RHOA: variants seen among roughly 807,000 people sequenced by gnomAD.
RHOA encodes ras homolog family member A.
In RHOA, 3 loss-of-function variants were observed where a neutral mutation model predicts 17.5. The ratio of observed to expected loss-of-function variants is 0.17; its 90% CI spans 0.08 to 0.44. The LOEUF is 0.44. Ranked by LOEUF, RHOA falls within the 20% of genes least tolerant of loss-of-function variation. RHOA has a pLI of 0.99. For missense variants in RHOA, 56 were observed against 242.3 expected (o/e 0.23, Z 5.10); for synonymous variants, 98 against 88.4 (o/e 1.11, Z -0.61).
intron 1 of RHOA, among the ~76,000 whole-genome samples, chr3:49,376,949 AG>A (rs2048237776): frequency 2.6e-5 from 4 of 151,826 alleles, no homozygotes; most frequent in African/African-American, 7.3e-5. Flanking sequence ...GCCAACATGG[AG>A]AAACCCCATC....
At chr3:49,409,900 T>C (rs2048903977) in intron 1 of RHOA, among the ~76,000 whole-genome samples, 1 of 152,074 alleles carries the variant, frequency 6.6e-6, no homozygotes, top group Non-Finnish European at 1.5e-5. Context: ...CTGACCTAAA[T>C]ATCTTGGTTT....
At chr3:49,360,596 T>A (rs1424842946) in intron 4 of RHOA, among the ~76,000 whole-genome samples, 1 of 151,796 alleles carries the variant, frequency 6.6e-6, no homozygotes, top group Non-Finnish European at 1.5e-5. Context: ...GCCTCCCGAG[T>A]AGCTGGGACT....
intron 1 of RHOA, among the ~76,000 whole-genome samples, chr3:49,408,390 G>A (rs929109342): frequency 2.0e-5 from 3 of 152,058 alleles, no homozygotes; most frequent in Non-Finnish European, 4.4e-5. Context: ...CATACTGATT[G>A]CAATTTAGCA....
intron 1 of RHOA, among the ~76,000 whole-genome samples, chr3:49,385,686 A>AT (rs1233068862): frequency 2.7e-5 from 4 of 150,896 alleles, no homozygotes; most frequent in African/African-American, 4.9e-5. Flanking sequence ...TCGTAAAAAA[A>AT]ATATATATGC....
chr3:49,399,313 T>C (rs1459962220), intron 1 of RHOA, among the ~76,000 whole-genome samples: 4 of 149,890 alleles, frequency 2.7e-5, no homozygotes, highest in Non-Finnish European at 5.9e-5. Context: ...GAGCTTGCAG[T>C]GAGCCGAGAT....
intron 3 of RHOA, among the ~76,000 whole-genome samples, chr3:49,364,544 C>T (rs967854558): frequency 6.6e-6 from 1 of 151,938 alleles, no homozygotes; most frequent in African/African-American, 2.4e-5. Flanking sequence ...ACCTGTAATC[C>T]CAGCTACTAG....
chr3:49,392,389 C>T (rs2048526292), intron 1 of RHOA, among the ~76,000 whole-genome samples: 1 of 152,086 alleles, frequency 6.6e-6, no homozygotes, highest in South Asian at 2.1e-4. Context: ...CTACAGTGAG[C>T]CATGATCATA....
Position 49,360,391 on chromosome 3 carries a change from GA to G in RHOA, c.409-10del, listed in dbSNP as rs761095111. On this transcript the variant is annotated splice_polypyrimidine_tract_variant and intron_variant, in intron 4 of 4. Transcript: ENST00000418115. ...TCAGGTTTCACCGGCTCCTAGCAAA[GA>G]AAAAAAAATAGTCCTTTTAGCTAAT... The G allele has an allele frequency of 5.0e-5, 79 of 1,565,860 alleles. No individual in the cohort carries two copies. Among genetic ancestry groups the G allele is most frequent in the Admixed American group, 2.0e-4 (10 of 51,150 alleles).
intron 2 of RHOA, among the ~76,000 whole-genome samples, chr3:49,374,697 G>C (rs890120352): frequency 3.9e-5 from 6 of 151,982 alleles, no homozygotes; most frequent in African/African-American, 1.4e-4. Context: ...ACTCCAGCCT[G>C]GGCGACAGAG....
At chr3:49,382,546 G>A (rs1468449722) in intron 1 of RHOA, among the ~76,000 whole-genome samples, 2 of 151,950 alleles carry the variant, frequency 1.3e-5, no homozygotes, top group African/African-American at 4.8e-5. Flanking sequence ...TAAGATGGGA[G>A]GATCACTTGA....
At chr3:49,365,896 AAT>A (rs1298638097) in intron 3 of RHOA, among the ~76,000 whole-genome samples, 1 of 152,000 alleles carries the variant, frequency 6.6e-6, no homozygotes, top group Non-Finnish European at 1.5e-5. Context: ...CGGCCTAAAA[AAT>A]ATAAAAATTA....
chr3:49,392,903 G>A (rs1201808435), intron 1 of RHOA, among the ~76,000 whole-genome samples: 3 of 152,152 alleles, frequency 2.0e-5, no homozygotes, highest in East Asian at 3.9e-4. Context: ...GAGGCCAGGC[G>A]TGATGGCTCA....
intron 2 of RHOA, among the ~76,000 whole-genome samples, chr3:49,371,951 C>T (rs2048153128): frequency 6.6e-6 from 1 of 152,208 alleles, no homozygotes; most frequent in Admixed American, 6.5e-5. Context: ...CCTTCCAGTT[C>T]ATGCTTACAG....
At chr3:49,410,896 A>C (rs2048921840) in intron 1 of RHOA, among the ~76,000 whole-genome samples, 1 of 152,262 alleles carries the variant, frequency 6.6e-6, no homozygotes, top group African/African-American at 2.4e-5. Flanking sequence ...ATTAAAAAAC[A>C]CAAGTGGAAC....
At chr3:49,376,189 C>G (rs371449215) in intron 1 of RHOA, among the ~76,000 whole-genome samples, 1 of 151,812 alleles carries the variant, frequency 6.6e-6, no homozygotes, top group East Asian at 1.9e-4. Context: ...CTAGCCAGGG[C>G]AATAAGGTAA....
At chr3:49,362,186 CA>C (rs1158970581) in intron 4 of RHOA, among the ~76,000 whole-genome samples, 2 of 151,712 alleles carry the variant, frequency 1.3e-5, no homozygotes, top group South Asian at 2.1e-4. Context: ...GACTCCATAT[CA>C]AAAAAAAGAA....
intron 3 of RHOA, among the ~76,000 whole-genome samples, chr3:49,367,932 T>TA (rs1228577308): frequency 2.6e-5 from 4 of 151,758 alleles, no homozygotes; most frequent in Non-Finnish European, 4.4e-5. Context: ...ATTTTTGAGA[T>TA]AGAGTCTTGC....
At chr3:49,362,736 G>T (rs2047991816) in intron 3 of RHOA, 110 bp from the exon 4 acceptor site, 1 of 876,288 alleles carries the variant, frequency 1.1e-6, no homozygotes, top group African/African-American at 1.7e-5. Flanking sequence ...TCAGAAAAAT[G>T]CTAGACATTT....
intron 1 of RHOA, among the ~76,000 whole-genome samples, chr3:49,411,591 G>A (rs984440831): frequency 7.9e-5 from 12 of 151,892 alleles, no homozygotes; most frequent in African/African-American, 2.4e-4. Context: ...GCGGGGGAAG[G>A]GGCACAGGAG....
Sources: gnomAD v4.1 joint callset for allele counts (sites outside exome capture counted in the v4.1 genomes callset) on GRCh38, gnomAD v4.1.1 for gene constraint, MANE v1.5 for transcripts, NCBI Gene and HGNC (gene_info 2026-07-23, HGNC 2026-07-21) for gene names.